Variants in FHOD3 observed in about 807,000 individuals in gnomAD.
The protein encoded by FHOD3 is FH1/FH2 domain-containing protein 3.
A neutral mutation model predicts 173.0 loss-of-function variants in FHOD3; 90 were observed. The observed-to-expected ratio is 0.52, with a 90% CI of 0.44 to 0.62. The LOEUF is 0.62. FHOD3 is among the 20% of genes least tolerant of loss of function. The pLI is 0.00. For missense variants in FHOD3, 1,945 were observed against 2,034.7 expected (o/e 0.96, Z 0.85); for synonymous variants, 828 against 823.0 (o/e 1.01, Z -0.10).
chr18:36,626,020 G>C (rs757279148), intron 10 of FHOD3, among the ~76,000 whole-genome samples: 5 of 151,990 alleles, frequency 3.3e-5, no homozygotes, highest in Non-Finnish European at 7.4e-5. Flanking sequence ...TACTATCTCA[G>C]TTAATATCTG....
At chr18:36,398,767 G>A (rs189534091) in intron 3 of FHOD3, among the ~76,000 whole-genome samples, 1 of 152,284 alleles carries the variant, frequency 6.6e-6, no homozygotes, top group Non-Finnish European at 1.5e-5. Context: ...TACCAAAATA[G>A]GTAAAAGTCT....
chr18:36,683,383 T>C (rs970426011), intron 15 of FHOD3, among the ~76,000 whole-genome samples: 3 of 152,176 alleles, frequency 2.0e-5, no homozygotes, highest in African/African-American at 7.2e-5. Context: ...CTGGGGAAAA[T>C]GGAATTCATT....
At chr18:36,354,331 A>T (rs1343299708) in intron 1 of FHOD3, among the ~76,000 whole-genome samples, 1 of 152,184 alleles carries the variant, frequency 6.6e-6, no homozygotes, top group Non-Finnish European at 1.5e-5. Context: ...CAAGTAACAT[A>T]GCCTCTCTTT....
chr18:36,474,835 C>T (rs1265717093), intron 3 of FHOD3, among the ~76,000 whole-genome samples: 1 of 152,112 alleles, frequency 6.6e-6, no homozygotes, highest in African/African-American at 2.4e-5. Context: ...GCCTGGGGCC[C>T]TCTGGCTGGA....
Position 36,779,556 on chromosome 18 carries a change from T to C in FHOD3, c.*26T>C. The C allele has an allele frequency of 6.2e-7, 1 of 1,609,938 alleles. No homozygotes were observed. The highest frequency in any genetic ancestry group is 1.3e-5 in the African/African-American group (1 of 74,958). ...CACTCATAGGTTACTCCCAGGAGTG[T>C]GCTGAGCAGAAGGCAAGCTCTTGCT... is the stretch of plus-strand genomic sequence containing the variant. On this transcript the variant is annotated 3_prime_UTR_variant, in exon 29 of 29. Coordinates refer to ENST00000590592, the MANE Select transcript of FHOD3 (RefSeq NM_001281740.3).
At chr18:36,735,605 A>C (rs1035406441) in intron 20 of FHOD3, among the ~76,000 whole-genome samples, 1 of 152,224 alleles carries the variant, frequency 6.6e-6, no homozygotes, top group Non-Finnish European at 1.5e-5. Flanking sequence ...GAATAATCAT[A>C]AGAATGAAAG....
intron 14 of FHOD3, among the ~76,000 whole-genome samples, chr18:36,665,185 A>G (rs749437459): frequency 6.6e-5 from 10 of 152,234 alleles, no homozygotes; most frequent in Non-Finnish European, 1.3e-4. Context: ...TGAGGACTAA[A>G]TAAGTTTTAT....
chr18:36,474,978 TACACACATAC>T (rs1203398719), intron 3 of FHOD3, among the ~76,000 whole-genome samples: 2 of 95,094 alleles, frequency 2.1e-5, no homozygotes, highest in African/African-American at 7.7e-5. Flanking sequence ...AGGTTGAAAA[TACACACATAC>T]ACACACACAC....
chr18:36,348,176 A>T (rs1420442559), intron 1 of FHOD3, among the ~76,000 whole-genome samples: 2 of 152,236 alleles, frequency 1.3e-5, no homozygotes, highest in African/African-American at 4.8e-5. Flanking sequence ...CTTTAAGTCC[A>T]GTTCCTTGTC....
chr18:36,488,132 T>C (rs1030374357), intron 3 of FHOD3, among the ~76,000 whole-genome samples: 8 of 152,210 alleles, frequency 5.3e-5, no homozygotes, highest in African/African-American at 1.9e-4. Context: ...TTGTGGCTGT[T>C]TCCATCTTGA....
At chr18:36,606,837 C>T (rs887143870) in intron 8 of FHOD3, among the ~76,000 whole-genome samples, 1 of 152,224 alleles carries the variant, frequency 6.6e-6, no homozygotes, top group Non-Finnish European at 1.5e-5. Context: ...ATAACTAGTT[C>T]CAAGTCCAAA....
At chr18:36,597,287 A>G (rs2030604704) in intron 7 of FHOD3, among the ~76,000 whole-genome samples, 1 of 152,206 alleles carries the variant, frequency 6.6e-6, no homozygotes, top group South Asian at 2.1e-4. Flanking sequence ...AGCCCCAGCC[A>G]GAGATTCTCG....
intron 5 of FHOD3, among the ~76,000 whole-genome samples, chr18:36,526,399 C>T (rs944240751): frequency 1.3e-4 from 19 of 151,930 alleles, no homozygotes; most frequent in Admixed American, 2.6e-4. Context: ...TGCTTAGTCA[C>T]TCAAGATGTT....
chr18:36,386,716 G>A (rs900411926), intron 3 of FHOD3, among the ~76,000 whole-genome samples: 2 of 152,206 alleles, frequency 1.3e-5, no homozygotes, highest in Non-Finnish European at 2.9e-5. Flanking sequence ...TGGGCTGCAA[G>A]TTCTAGGTGT....
chr18:36,656,652 T>C (rs1432734096), intron 13 of FHOD3, among the ~76,000 whole-genome samples: 2 of 152,248 alleles, frequency 1.3e-5, no homozygotes, highest in African/African-American at 4.8e-5. Context: ...TTTCCTACAC[T>C]TAGTTTTTGA....
intron 17 of FHOD3, among the ~76,000 whole-genome samples, chr18:36,705,465 T>G (rs897544010): frequency 6.6e-6 from 1 of 152,200 alleles, no homozygotes; most frequent in Non-Finnish European, 1.5e-5. Flanking sequence ...CACCGTGCAT[T>G]TTATCTTACA....
intron 10 of FHOD3, among the ~76,000 whole-genome samples, chr18:36,634,688 G>A (rs1193040184): frequency 2.0e-5 from 3 of 152,168 alleles, no homozygotes; most frequent in Admixed American, 6.5e-5. Flanking sequence ...GGGCATAGGC[G>A]TGGTTGTGTG....
chr18:36,702,079 G>C (rs2039621869), intron 17 of FHOD3, among the ~76,000 whole-genome samples: 1 of 152,208 alleles, frequency 6.6e-6, no homozygotes, highest in Non-Finnish European at 1.5e-5. Flanking sequence ...CTTTTGTGAA[G>C]CTGAGTTTGT....
At chr18:36,653,252 C>A in intron 12 of FHOD3, 90 bp from the exon 13 acceptor site, 1 of 1,005,168 alleles carries the variant, frequency 9.9e-7, no homozygotes, top group Non-Finnish European at 1.5e-6. Context: ...AGCCAGGTGG[C>A]ATGAAGTCTT....
Sources: allele counts gnomAD v4.1 joint callset (sites outside exome capture counted in the v4.1 genomes callset), GRCh38; gene constraint gnomAD v4.1.1; transcripts MANE v1.5; gene names NCBI Gene and HGNC (gene_info 2026-07-23, HGNC 2026-07-21).